RBM25: variants seen among roughly 807,000 people sequenced by gnomAD.
The protein encoded by RBM25 is RNA binding motif protein 25, also known as RNA-binding protein 25.
A neutral mutation model predicts 120.7 loss-of-function variants in RBM25; 19 were observed. The ratio of observed to expected loss-of-function variants is 0.16; its 90% CI spans 0.11 to 0.23. The LOEUF (loss-of-function observed/expected upper bound fraction) is 0.23, where lower values mean the gene tolerates loss of function less well. RBM25 is among the 10% of genes least tolerant of loss of function. The pLI is 1.00. For synonymous variants in RBM25, 390 were observed against 326.7 expected, an observed-to-expected ratio of 1.19 and a Z score of -2.09; for missense variants, 605 against 1,041.5, an observed-to-expected ratio of 0.58 and a Z score of 5.77.
intron 18 of RBM25, among the ~76,000 whole-genome samples, chr14:73,119,179 C>G (rs896319049): frequency 6.6e-6 from 1 of 152,168 alleles, no homozygotes; most frequent in Non-Finnish European, 1.5e-5. Context: ...TTATAAAGAA[C>G]GTAGTAATTT....
At chr14:73,066,518 G>C (rs2140422275) in intron 1 of RBM25, among the ~76,000 whole-genome samples, 1 of 152,048 alleles carries the variant, frequency 6.6e-6, no homozygotes, top group East Asian at 1.9e-4. Context: ...GTGCCTTGTG[G>C]TGTGCACCTG....
At chr14:73,103,946 T>TCACACACA (rs1566597468) in intron 10 of RBM25, among the ~76,000 whole-genome samples, 7 of 43,942 alleles carry the variant, frequency 1.6e-4, no homozygotes, top group Non-Finnish European at 3.1e-4. Flanking sequence ...TCTCTCTCTC[T>TCACACACA]CTCACACACA....
rs765338054 is a variant in RBM25 at position 73,111,503 on chromosome 14, T to TG, written c.2018-24dup. 5 of 1,562,496 alleles carry TG rather than the reference T, an allele frequency of 3.2e-6. 1 individual carries two copies. In the South Asian group the frequency reaches 6.1e-5, roughly 19 times the overall value. ...GAAACATTTGGAAATTAAGTCATCT[T>TG]GCTAAGAGAGTGTTTTTACTGTAGG... On this transcript the variant is annotated intron_variant, in intron 15 of 18. Coordinates refer to ENST00000261973, the MANE Select transcript of RBM25 (RefSeq NM_021239.3).
chr14:73,097,028 C>T lies in RBM25; in HGVS notation c.657C>T (p.Ser219=). ...GAIEVLIREY[S]SELNAPSQES... The stretch of plus-strand genomic sequence containing the variant: ...TTGAAGTTTTAATTCGTGAATACTC[C>T]AGTGAGCTAAATGCCCCCTCACAGG... The change falls in exon 7 of 19, where the codon TCC becomes TCT. Residue 219 remains serine, a synonymous_variant. Transcript: ENST00000261973. 1 of 1,613,836 alleles carries T rather than the reference C, an allele frequency of 6.2e-7. No homozygotes were observed. The highest frequency in any genetic ancestry group is 8.5e-7 in the Non-Finnish European group (1 of 1,179,896).
intron 6 of RBM25, among the ~76,000 whole-genome samples, chr14:73,095,024 T>G (rs1451448023): frequency 6.6e-6 from 1 of 151,706 alleles, no homozygotes; most frequent in Non-Finnish European, 1.5e-5. Context: ...GCCCAGCTAA[T>G]TTTTTGTATT....
chr14:73,104,371 A>AT lies in RBM25; in HGVS notation c.1154+906dup, dbSNP rs535410003. Among the ~76,000 whole-genome samples, 1,192 of 142,474 alleles carry AT rather than the reference A, an allele frequency of 8.4e-3. 17 individuals carry two copies. Among genetic ancestry groups the AT allele is most frequent in the African/African-American group, 0.026 (1,019 of 39,044 alleles). 93.5% of individuals were successfully genotyped at this position (142,474 alleles called of 152,430 possible). On this transcript the variant is annotated intron_variant, in intron 10 of 18. Coordinates refer to ENST00000261973, the MANE Select transcript of RBM25 (RefSeq NM_021239.3). ...TATTTAAAATTTTTTAATTATATTGATTTTTTTTTTTTTCTGAGACAAGTT... is the reference window on the plus strand; with the variant it reads ...TATTTAAAATTTTTTAATTATATTGATTTTTTTTTTTTTTCTGAGACAAGTT...
chr14:73,091,887 G>A (rs963049449), intron 6 of RBM25, among the ~76,000 whole-genome samples: 2 of 151,366 alleles, frequency 1.3e-5, no homozygotes. Flanking sequence ...CAAAAAAAAA[G>A]CGAAGTTACA....
At chr14:73,114,211 C>A in intron 17 of RBM25, 75 bp from the exon 18 acceptor site, 2 of 1,070,476 alleles carry the variant, frequency 1.9e-6, no homozygotes, top group South Asian at 3.0e-5. Flanking sequence ...TTTGAGGATT[C>A]ATACCTTAAA....
chr14:73,072,479 A>AC, intron 2 of RBM25, among the ~76,000 whole-genome samples: 1 of 152,308 alleles, frequency 6.6e-6, no homozygotes, highest in East Asian at 1.9e-4. Flanking sequence ...AAGTCAATAT[A>AC]AGTAAAGATT....
At chr14:73,080,390 A>C (rs1895532208) in intron 4 of RBM25, among the ~76,000 whole-genome samples, 1 of 151,276 alleles carries the variant, frequency 6.6e-6, no homozygotes, top group Non-Finnish European at 1.5e-5. Context: ...TGCCCGGCTA[A>C]TTTTTTGTAT....
In RBM25 at chr14:73,119,986, A is replaced by G; in HGVS notation, c.*181A>G. On this transcript the variant is annotated 3_prime_UTR_variant, in exon 19 of 19. Transcript: ENST00000261973. ...TGTGTACTCCCTTGGTTGTAAAGTC[A>G]TCTGAATCCTTGGTTCTCTTTATAC... is the stretch of plus-strand genomic sequence containing the variant. The G allele has an allele frequency of 1.0e-5, 9 of 864,428 alleles. No homozygotes were observed. The highest frequency in any genetic ancestry group is 1.5e-5 in the Non-Finnish European group (9 of 616,970). The allele number at this position is 864,428 out of a possible 1,614,324, so 53.5% of individuals were successfully genotyped here.
At chr14:73,069,746 TA>T (rs57669015) in intron 1 of RBM25, 93 of 44,130 alleles carry the variant, frequency 2.1e-3, no homozygotes, top group Admixed American at 0.012. Flanking sequence ...CCCTGTTTCT[TA>T]AAAAAAAAAA....
intron 13 of RBM25, 60 bp downstream of exon 13, chr14:73,107,959 C>G (rs551523211): frequency 1.7e-6 from 2 of 1,178,322 alleles, no homozygotes; most frequent in Non-Finnish European, 2.5e-6. Context: ...GTTTTTCCAT[C>G]TGCACAGTTG....
chr14:73,086,531 G>A (rs1764723722), intron 5 of RBM25, among the ~76,000 whole-genome samples: 1 of 151,578 alleles, frequency 6.6e-6, no homozygotes, highest in Non-Finnish European at 1.5e-5. Context: ...TTTTTATTTA[G>A]CCTGTTTTGT....
Position 73,084,583 on chromosome 14 carries a change from G to A in RBM25, c.382+1032G>A, listed in dbSNP as rs952744001. Among the ~76,000 whole-genome samples the A allele has an allele frequency of 1.3e-5, 2 of 151,682 alleles. 1 individual carries two copies. Among genetic ancestry groups the A allele is most frequent in the East Asian group, 3.9e-4 (2 of 5,154 alleles). ...TTTTTTATTTTTTTGGAGGAGTTTC[G>A]CTCTTCTTGCCCAGGCTGGAGTGCA... On this transcript the variant is annotated intron_variant, in intron 5 of 18. Coordinates refer to ENST00000261973, the MANE Select transcript of RBM25 (RefSeq NM_021239.3).
At chr14:73,065,987 C>T (rs900072332) in intron 1 of RBM25, among the ~76,000 whole-genome samples, 13 of 152,078 alleles carry the variant, frequency 8.5e-5, no homozygotes, top group African/African-American at 2.4e-4. Flanking sequence ...ATATAGTATG[C>T]GGCATGAGAT....
intron 5 of RBM25, among the ~76,000 whole-genome samples, chr14:73,086,293 C>T (rs1431432695): frequency 1.3e-5 from 2 of 152,026 alleles, no homozygotes; most frequent in East Asian, 3.9e-4. Flanking sequence ...CAGAAATTAG[C>T]TGAGTGTGGT....
At chr14:73,069,723 C>G (rs1401156434) in intron 1 of RBM25, 1 of 123,138 alleles carries the variant, frequency 8.1e-6, no homozygotes, top group Non-Finnish European at 1.6e-5. Flanking sequence ...CATGAGCCAC[C>G]GTGCCTGGCC....
At chr14:73,068,199 T>C in intron 1 of RBM25, 1 of 873,690 alleles carries the variant, frequency 1.1e-6, no homozygotes, top group African/African-American at 1.6e-5. Flanking sequence ...AGCCTTGTTT[T>C]GGAACAAATG....
Sources: gnomAD v4.1 joint callset for allele counts (sites outside exome capture counted in the v4.1 genomes callset) on GRCh38, gnomAD v4.1.1 for gene constraint, MANE v1.5 for transcripts, NCBI Gene and HGNC (gene_info 2026-07-23, HGNC 2026-07-21) for gene names.